SLC25A48: variants seen among roughly 807,000 people sequenced by gnomAD.
The protein encoded by SLC25A48 is solute carrier family 25 member 48.
A neutral mutation model predicts 32.2 loss-of-function variants in SLC25A48; 29 were observed. The observed-to-expected ratio is 0.90, with a 90% confidence interval of 0.67 to 1.23. The LOEUF (loss-of-function observed/expected upper bound fraction) is 1.23, where lower values mean the gene tolerates loss of function less well. Ranked by LOEUF, SLC25A48 falls within the 50% of genes most tolerant of loss-of-function variation. The probability of loss-of-function intolerance (pLI) is 0.00; values close to 1 mark genes in which losing one functional copy is unlikely to be tolerated. For missense variants in SLC25A48, 399 were observed against 422.7 expected (o/e 0.94, Z 0.49); for synonymous variants, 164 against 172.3 (o/e 0.95, Z 0.38).
At chr5:135,798,277 AG>A (rs1757236712) in intron 3 of SLC25A48, among the ~76,000 whole-genome samples, 1 of 151,826 alleles carries the variant, frequency 6.6e-6, no homozygotes. Context: ...TCTAATATCC[AG>A]GGGGAAAGAG....
At chr5:135,880,128 C>A in intron 7 of SLC25A48, 31 bp downstream of exon 7, 2 of 1,510,984 alleles carry the variant, frequency 1.3e-6, no homozygotes, top group African/African-American at 2.8e-5. Context: ...GCCAATTGTG[C>A]CTCCCAGGAA....
intron 2 of SLC25A48, among the ~76,000 whole-genome samples, chr5:135,848,226 A>G (rs1305951165): frequency 1.3e-5 from 2 of 152,046 alleles, no homozygotes; most frequent in African/African-American, 2.4e-5. Context: ...GAGTGACTCA[A>G]CCACTCAATT....
chr5:135,724,482 G>A lies in SLC25A48; in HGVS notation c.-520-88041G>A, dbSNP rs140491495. 5.1e-3 allele frequency among the ~76,000 whole-genome samples: 781 copies of A among 152,350 alleles called. 4 individuals carry two copies. Among genetic ancestry groups the A allele is most frequent in the African/African-American group, 0.018 (749 of 41,584 alleles). Reference sequence around the variant, plus strand: ...TGGTCTAAAGCTCGCAAGATGGGCTGCTAAGCCCAAGGTGCCTTCCCCACA... The same window carrying A: ...TGGTCTAAAGCTCGCAAGATGGGCTACTAAGCCCAAGGTGCCTTCCCCACA... On this transcript the variant is annotated intron_variant, in intron 3 of 10. Coordinates refer to the SLC25A48 transcript ENST00000646290.
intron 3 of SLC25A48, among the ~76,000 whole-genome samples, chr5:135,637,857 G>T (rs1053779153): frequency 2.0e-5 from 3 of 152,168 alleles, no homozygotes; most frequent in Admixed American, 1.3e-4. Context: ...ATTTGTTGTT[G>T]TTGTTGTTGT....
chr5:135,855,956 G>C (rs149724651), intron 4 of SLC25A48, among the ~76,000 whole-genome samples: 1 of 152,138 alleles, frequency 6.6e-6, no homozygotes, highest in Non-Finnish European at 1.5e-5. Context: ...CTCATCTCTC[G>C]TTCCTCCTTG....
intron 3 of SLC25A48, among the ~76,000 whole-genome samples, chr5:135,752,150 A>C (rs1049631677): frequency 2.6e-5 from 4 of 152,362 alleles, no homozygotes; most frequent in East Asian, 1.9e-4. Flanking sequence ...TATCAAAAAC[A>C]CAATACATAA....
chr5:135,669,447 A>G (rs904518346), intron 3 of SLC25A48, among the ~76,000 whole-genome samples: 2 of 152,038 alleles, frequency 1.3e-5, no homozygotes, highest in Non-Finnish European at 2.9e-5. Context: ...AACAGAAGGG[A>G]AGGGATGGAA....
At chr5:135,746,688 G>C (rs1463603894) in intron 3 of SLC25A48, among the ~76,000 whole-genome samples, 1 of 152,152 alleles carries the variant, frequency 6.6e-6, no homozygotes, top group Non-Finnish European at 1.5e-5. Flanking sequence ...CATGACCTCA[G>C]TGTCATTTTC....
chr5:135,885,125 A>G (rs1472286739), intron 7 of SLC25A48, among the ~76,000 whole-genome samples: 2 of 152,092 alleles, frequency 1.3e-5, no homozygotes, highest in African/African-American at 2.4e-5. Context: ...AAAAAAGACA[A>G]AGTTGTTGGG....
At chr5:135,769,455 C>T (rs1458077207) in intron 3 of SLC25A48, among the ~76,000 whole-genome samples, 1 of 151,558 alleles carries the variant, frequency 6.6e-6, no homozygotes, top group Non-Finnish European at 1.5e-5. Flanking sequence ...GAGTGTACAC[C>T]CCACTGTGAT....
At chr5:135,721,781 C>A (rs1484270946) in intron 3 of SLC25A48, among the ~76,000 whole-genome samples, 2 of 152,252 alleles carry the variant, frequency 1.3e-5, no homozygotes, top group Admixed American at 6.5e-5. Flanking sequence ...GTGTCCACAG[C>A]AGGCTGCTGA....
At chr5:135,837,582 G>T (rs1758641380) in intron 1 of SLC25A48, among the ~76,000 whole-genome samples, 1 of 152,132 alleles carries the variant, frequency 6.6e-6, no homozygotes, top group Non-Finnish European at 1.5e-5. Context: ...GTCATGGGAG[G>T]GACCCCTGTG....
rs1275941531 is a variant in SLC25A48 at position 135,665,452 on chromosome 5, G to A, written c.-521+30496G>A. On this transcript the variant is annotated intron_variant, in intron 3 of 10. Transcript: ENST00000646290. ...AATTAGGTTTCATTTATTTATTTTTGTTTATTTTATTTTATTTTTTGCATT... is the reference window on the plus strand; with the variant it reads ...AATTAGGTTTCATTTATTTATTTTTATTTATTTTATTTTATTTTTTGCATT... 2.0e-5 allele frequency among the ~76,000 whole-genome samples: 3 copies of A among 151,862 alleles called. No homozygotes were observed. In the South Asian group the frequency reaches 6.2e-4, roughly 31 times the overall value.
chr5:135,822,478 A>G (rs1466110740), intron 4 of SLC25A48, among the ~76,000 whole-genome samples: 1 of 152,060 alleles, frequency 6.6e-6, no homozygotes, highest in East Asian at 1.9e-4. Context: ...GCTTCCTGTG[A>G]TGATGCAATT....
chr5:135,795,117 G>A (rs1757135933), intron 3 of SLC25A48, among the ~76,000 whole-genome samples: 1 of 151,798 alleles, frequency 6.6e-6, no homozygotes, highest in African/African-American at 2.4e-5. Context: ...CCACTCCTGT[G>A]ATATTGTTCC....
intron 3 of SLC25A48, among the ~76,000 whole-genome samples, chr5:135,744,011 C>G (rs1755572310): frequency 6.6e-6 from 1 of 152,178 alleles, no homozygotes; most frequent in Non-Finnish European, 1.5e-5. Context: ...TAAGATTAAT[C>G]CTTCCTCTCC....
At chr5:135,692,133 C>T (rs929807222) in intron 3 of SLC25A48, among the ~76,000 whole-genome samples, 13 of 152,156 alleles carry the variant, frequency 8.5e-5, no homozygotes, top group East Asian at 1.9e-4. Flanking sequence ...CTGGCTAACA[C>T]GGTGAAACCC....
chr5:135,814,678 C>T (rs1417704835), intron 4 of SLC25A48, among the ~76,000 whole-genome samples: 1 of 152,214 alleles, frequency 6.6e-6, no homozygotes, highest in Non-Finnish European at 1.5e-5. Context: ...TCAAGTGCCG[C>T]ATCTCCAGGA....
intron 1 of SLC25A48, among the ~76,000 whole-genome samples, chr5:135,592,390 G>A (rs1029014809): frequency 6.6e-6 from 1 of 152,180 alleles, no homozygotes. Flanking sequence ...GTCTCTGAAA[G>A]TTCATTATGA....
Sources: allele counts gnomAD v4.1 joint callset (sites outside exome capture counted in the v4.1 genomes callset), GRCh38; gene constraint gnomAD v4.1.1; transcripts MANE v1.5; gene names NCBI Gene and HGNC (gene_info 2026-07-23, HGNC 2026-07-21).